The following PDE4B variants were observed in gnomAD, a reference collection of about 807,000 sequenced individuals.
PDE4B encodes the protein 3',5'-cyclic-AMP phosphodiesterase 4B.
A neutral mutation model predicts 82.2 loss-of-function variants in PDE4B; 20 were observed. The observed-to-expected ratio is 0.24, with a 90% CI of 0.17 to 0.35. PDE4B has a LOEUF of 0.35. PDE4B is among the 10% of genes least tolerant of loss of function. The pLI, the probability that PDE4B is intolerant of heterozygous loss-of-function variation, is 1.00. For synonymous variants in PDE4B, 320 were observed against 318.9 expected, an observed-to-expected ratio of 1.00 and a Z score of -0.04; for missense variants, 655 against 907.2, an observed-to-expected ratio of 0.72 and a Z score of 3.57.
chr1:66,100,088 C>G (rs1232042739), intron 3 of PDE4B, among the ~76,000 whole-genome samples: 1 of 152,040 alleles, frequency 6.6e-6, no homozygotes, highest in Non-Finnish European at 1.5e-5. Flanking sequence ...GAGTCTTGCT[C>G]TGTTGCCCAG....
chr1:66,018,743 C>G (rs951839035), intron 3 of PDE4B, among the ~76,000 whole-genome samples: 2 of 152,110 alleles, frequency 1.3e-5, no homozygotes, highest in Non-Finnish European at 2.9e-5. Flanking sequence ...TGGATACAAT[C>G]TTAAGTTAGT....
chr1:65,896,961 G>A (rs1646917678), intron 1 of PDE4B, among the ~76,000 whole-genome samples: 1 of 152,070 alleles, frequency 6.6e-6, no homozygotes, highest in Non-Finnish European at 1.5e-5. Flanking sequence ...GGTTGAAAGA[G>A]GGCATTTTGT....
intron 3 of PDE4B, among the ~76,000 whole-genome samples, chr1:66,154,835 C>T (rs1436386927): frequency 6.6e-6 from 1 of 152,166 alleles, no homozygotes; most frequent in Non-Finnish European, 1.5e-5. Flanking sequence ...TTCCAAGCCC[C>T]TTGTGGTTGC....
intron 3 of PDE4B, among the ~76,000 whole-genome samples, chr1:66,069,785 AATGAAAACTCT>A (rs1469336510): frequency 9.2e-5 from 14 of 152,020 alleles, no homozygotes; most frequent in African/African-American, 3.4e-4. Context: ...TCCTGGAGGA[AATGAAAACTCT>A]GTAAATTGGC....
At chr1:66,284,556 G>T (rs1388223099) in intron 7 of PDE4B, among the ~76,000 whole-genome samples, 1 of 152,206 alleles carries the variant, frequency 6.6e-6, no homozygotes, top group Non-Finnish European at 1.5e-5. Context: ...TACTCAGGAG[G>T]CTGAGGCAGG....
chr1:66,083,575 C>A (rs540546580), intron 3 of PDE4B, among the ~76,000 whole-genome samples: 23 of 152,242 alleles, frequency 1.5e-4, no homozygotes, highest in African/African-American at 5.1e-4. Context: ...GGTCAGGAAT[C>A]CAGGATCCAA....
intron 3 of PDE4B, among the ~76,000 whole-genome samples, chr1:66,096,538 A>ATATATATATG (rs1645124394): frequency 6.9e-6 from 1 of 144,688 alleles, no homozygotes; most frequent in Non-Finnish European, 1.5e-5. Context: ...ATATATATAT[A>ATATATATATG]TATACTGCAT....
chr1:66,223,792 G>A (rs993970782), intron 3 of PDE4B, among the ~76,000 whole-genome samples: 1 of 151,952 alleles, frequency 6.6e-6, no homozygotes, highest in African/African-American at 2.4e-5. Flanking sequence ...CTTTTTTGAA[G>A]TGCATGCCAT....
chr1:65,978,981 A>G (rs559819513), intron 3 of PDE4B, among the ~76,000 whole-genome samples: 1 of 152,286 alleles, frequency 6.6e-6, no homozygotes, highest in South Asian at 2.1e-4. Flanking sequence ...ACTCATTTGT[A>G]TTTGAAATGT....
rs571587102 is a variant in PDE4B, at chr1:66,036,407, A to T, written c.281+117572A>T. Among the ~76,000 whole-genome samples, 10 of 152,194 alleles carry T rather than the reference A, an allele frequency of 6.6e-5. No homozygotes were observed. The South Asian group carries it at 2.1e-3, about 32-fold the overall frequency. ...CCAAGAAATTTCTGCCCAGACCAAT[A>T]TGGGTACTCTCCCCTAAGTACTTTT... is the stretch of plus-strand genomic sequence containing the variant. On this transcript the variant is annotated intron_variant, in intron 3 of 16. Transcript: ENST00000341517.
At chr1:66,160,029 T>C (rs1646579469) in intron 3 of PDE4B, among the ~76,000 whole-genome samples, 2 of 152,234 alleles carry the variant, frequency 1.3e-5, no homozygotes, top group Non-Finnish European at 2.9e-5. Flanking sequence ...ATACAGCTCT[T>C]GCCTGCTGGC....
chr1:65,944,394 C>T (rs1054294879), intron 3 of PDE4B, among the ~76,000 whole-genome samples: 4 of 151,794 alleles, frequency 2.6e-5, no homozygotes, highest in Non-Finnish European at 5.9e-5. Context: ...CATCTGTGTT[C>T]ATCAGGGATA....
intron 3 of PDE4B, among the ~76,000 whole-genome samples, chr1:66,083,469 G>A (rs577712215): frequency 6.6e-6 from 1 of 152,088 alleles, no homozygotes; most frequent in East Asian, 1.9e-4. Context: ...TATTGTACTC[G>A]CTGTTTTCCA....
chr1:66,277,961 A>G (rs1459484709), intron 7 of PDE4B, among the ~76,000 whole-genome samples: 2 of 152,234 alleles, frequency 1.3e-5, no homozygotes, highest in African/African-American at 2.4e-5. Context: ...GGGGATAATA[A>G]TAGAACCTTC....
chr1:66,042,875 A>G (rs1379377698), intron 3 of PDE4B: 1 of 151,856 alleles, frequency 6.6e-6, no homozygotes, highest in Non-Finnish European at 1.5e-5. Context: ...TCCAACACCA[A>G]CAGTAATATA....
At position 66,032,003 on chromosome 1, in the gene PDE4B, G is replaced by T. The variant is rs143281918; in HGVS notation, c.281+113168G>T. 2.4e-3 allele frequency among the ~76,000 whole-genome samples: 359 copies of T among 152,290 alleles called. 2 individuals carry two copies. Among genetic ancestry groups the T allele is most frequent in the African/African-American group, 8.1e-3 (336 of 41,544 alleles). The stretch of plus-strand genomic sequence containing the variant: ...TGAAGTACACTGAGATAGATGAAAA[G>T]CAGTTAGGATGTAGCTCAGGCTGAG... On this transcript the variant is annotated intron_variant, in intron 3 of 16. Transcript: ENST00000341517.
intron 1 of PDE4B, among the ~76,000 whole-genome samples, chr1:65,884,902 C>A (rs1280971626): frequency 3.3e-5 from 5 of 152,172 alleles, no homozygotes; most frequent in African/African-American, 1.2e-4. Context: ...GCAAAAGAAA[C>A]TACCATCAGA....
intron 3 of PDE4B, among the ~76,000 whole-genome samples, chr1:65,956,027 A>G (rs1273634188): frequency 6.6e-6 from 1 of 152,154 alleles, no homozygotes; most frequent in Non-Finnish European, 1.5e-5. Flanking sequence ...TCCCAGATTG[A>G]TAGCTGCTGG....
At chr1:65,952,067 A>G (rs1239670220) in intron 3 of PDE4B, among the ~76,000 whole-genome samples, 2 of 152,084 alleles carry the variant, frequency 1.3e-5, no homozygotes, top group African/African-American at 2.4e-5. Flanking sequence ...TAGCATTACT[A>G]GAGAACTTGT....
Sources: gnomAD v4.1 joint callset for allele counts (sites outside exome capture counted in the v4.1 genomes callset) on GRCh38, gnomAD v4.1.1 for gene constraint, MANE v1.5 for transcripts, NCBI Gene and HGNC (gene_info 2026-07-23, HGNC 2026-07-21) for gene names.